Variants in ART1 observed in about 807,000 individuals in gnomAD.
ART1 encodes the protein ADP-ribosyltransferase 1.
ART1 carries 29 observed loss-of-function variants against 27.0 expected under a neutral mutation model. That is an observed-to-expected ratio of 1.08 (90% CI 0.80 to 1.47). The LOEUF is 1.47. ART1 is among the 40% of genes most tolerant of loss of function. The pLI is 0.00. For synonymous variants in ART1, 201 were observed against 172.2 expected (o/e 1.17, Z -1.31); for missense variants, 480 against 423.0 (o/e 1.13, Z -1.18).
chr11:3,649,685 C>G (rs11028764), intron 1 of ART1, among the ~76,000 whole-genome samples: 1 of 144,640 alleles, frequency 6.9e-6, no homozygotes, highest in Non-Finnish European at 1.5e-5. Flanking sequence ...TCTGGTTTAC[C>G]ATTTCATTTC....
chr11:3,659,023 C>T (rs375843985), intron 1 of ART1, 139 bp from the exon 2 acceptor site: 8 of 596,334 alleles, frequency 1.3e-5, no homozygotes, highest in African/African-American at 7.4e-5. Flanking sequence ...ACTCATGTTC[C>T]TTTCAGCAAG....
chr11:3,662,460 C>T (rs1342507039), intron 4 of ART1, among the ~76,000 whole-genome samples: 1 of 152,208 alleles, frequency 6.6e-6, no homozygotes, highest in African/African-American at 2.4e-5. Context: ...TCCTCTGATC[C>T]ACTCCAGGCA....
chr11:3,660,771 A>G (rs2077614264), intron 3 of ART1, among the ~76,000 whole-genome samples: 1 of 152,202 alleles, frequency 6.6e-6, no homozygotes, highest in Non-Finnish European at 1.5e-5. Flanking sequence ...GTTTCTGAGA[A>G]CAGTGCATTT....
At chr11:3,648,975 C>T (rs982108365) in intron 1 of ART1, among the ~76,000 whole-genome samples, 19 of 102,946 alleles carry the variant, frequency 1.8e-4, no homozygotes, top group African/African-American at 6.8e-4. Context: ...CCCTTATTTC[C>T]ACGCCCCGAC....
rs1316695936 is a variant in ART1, at chr11:3,664,291, G to T, written c.*102G>T. 4 of 1,154,264 alleles carry T rather than the reference G, an allele frequency of 3.5e-6. No homozygotes were observed. The highest frequency in any genetic ancestry group is 5.0e-6 in the Non-Finnish European group (4 of 792,604). The allele number at this position is 1,154,264 out of a possible 1,614,324, so 71.5% of individuals were successfully genotyped here. ...ACCAAGATTCCTGTCAATCCCATCT[G>T]CAGGGAACTCTGGGACCTTCTCTGG... On this transcript the variant is annotated 3_prime_UTR_variant, in exon 5 of 5. Coordinates refer to ENST00000250693, the MANE Select transcript of ART1 (RefSeq NM_004314.3).
chr11:3,653,523 T>C (rs1364923074), intron 1 of ART1, among the ~76,000 whole-genome samples: 1 of 151,816 alleles, frequency 6.6e-6, no homozygotes, highest in Non-Finnish European at 1.5e-5. Flanking sequence ...GACCCACCCT[T>C]ATCTCCCTTC....
At chr11:3,663,588 T>C (rs755479908) in intron 4 of ART1, among the ~76,000 whole-genome samples, 22 of 152,140 alleles carry the variant, frequency 1.4e-4, no homozygotes, top group Admixed American at 6.5e-4. Context: ...CTAAATTCTT[T>C]ATTAAAAAAA....
At chr11:3,648,663 T>G (rs1003264297) in intron 1 of ART1, among the ~76,000 whole-genome samples, 1 of 152,216 alleles carries the variant, frequency 6.6e-6, no homozygotes, top group Non-Finnish European at 1.5e-5. Flanking sequence ...CTTCCCTTGG[T>G]GTTTAATCAT....
chr11:3,655,602 T>A (rs2077567879), intron 1 of ART1: 1 of 152,194 alleles, frequency 6.6e-6, no homozygotes, highest in South Asian at 2.1e-4. Context: ...TGTACCTGCA[T>A]GTGGACTCGA....
chr11:3,662,301 A>C (rs917641786), intron 4 of ART1, among the ~76,000 whole-genome samples: 3 of 152,242 alleles, frequency 2.0e-5, no homozygotes, highest in Admixed American at 2.0e-4. Context: ...CTTCCCTCGG[A>C]CACTTGGTGT....
intron 1 of ART1, among the ~76,000 whole-genome samples, chr11:3,653,249 C>A (rs1288955542): frequency 6.7e-6 from 1 of 148,662 alleles, no homozygotes; most frequent in Non-Finnish European, 1.5e-5. Context: ...TGAGCCGAAG[C>A]TAAGCCATCA....
intron 1 of ART1, among the ~76,000 whole-genome samples, chr11:3,654,945 C>A (rs28519597): frequency 6.6e-6 from 1 of 150,504 alleles, no homozygotes; most frequent in Non-Finnish European, 1.5e-5. Flanking sequence ...TGTGGAGACA[C>A]AATGAGAGAT....
intron 1 of ART1, among the ~76,000 whole-genome samples, chr11:3,656,857 A>C (rs2077580168): frequency 1.3e-5 from 2 of 152,182 alleles, no homozygotes; most frequent in African/African-American, 4.8e-5. Flanking sequence ...AACAAAAAAA[A>C]TTGTTGAATA....
chr11:3,664,233 C>T lies in ART1; in HGVS notation c.*44C>T, dbSNP rs373087910. ...GCCTCGCCTGCTGCCTCTGCCCATC[C>T]TGAGGATGTTGGCCATGTGTGCTTT... is the stretch of plus-strand genomic sequence containing the variant. On this transcript the variant is annotated 3_prime_UTR_variant, in exon 5 of 5. Transcript: ENST00000250693. The T allele has an allele frequency of 2.5e-6, 4 of 1,583,150 alleles. No homozygotes were observed. Among genetic ancestry groups the T allele is most frequent in the Non-Finnish European group, 2.6e-6 (3 of 1,155,298 alleles).
intron 1 of ART1, among the ~76,000 whole-genome samples, chr11:3,654,896 T>A (rs901582853): frequency 2.0e-5 from 3 of 152,086 alleles, no homozygotes; most frequent in African/African-American, 7.2e-5. Flanking sequence ...CTCTGATGTA[T>A]CTTGTTTATT....
At position 3,659,669 on chromosome 11, in the gene ART1, C is replaced by A. The variant is rs767742248; in HGVS notation, c.150C>A (p.Tyr50Ter). 2 of 1,613,824 alleles carry A rather than the reference C, an allele frequency of 1.2e-6. No individual in the cohort carries two copies. The highest frequency in any genetic ancestry group is 1.7e-6 in the Non-Finnish European group (2 of 1,180,036). ...DMALASFDDQYAGCAAAMTAA... is the reference protein window; with the variant it reads ...DMALASFDDQ ...CCCTGGCCTCCTTTGATGACCAGTA[C>A]GCTGGCTGTGCTGCTGCCATGACAG... The change falls in exon 3 of 5, where the codon TAC (tyrosine) becomes TAA (stop). Residue 50 changes from tyrosine to a stop codon, truncating the protein, a stop_gained. Transcript: ENST00000250693. LOFTEE classifies it high-confidence loss of function.
At chr11:3,651,538 A>T (rs2077521698) in intron 1 of ART1, among the ~76,000 whole-genome samples, 2 of 147,210 alleles carry the variant, frequency 1.4e-5, no homozygotes, top group Admixed American at 1.3e-4. Context: ...TTCTGTCCAA[A>T]CAACTTGCCC....
At chr11:3,652,780 G>A (rs2077535337) in intron 1 of ART1, among the ~76,000 whole-genome samples, 1 of 151,114 alleles carries the variant, frequency 6.6e-6, no homozygotes, top group Non-Finnish European at 1.5e-5. Context: ...AGCCATCACA[G>A]CTGATATCTC....
chr11:3,652,330 G>C (rs902157593), intron 1 of ART1, among the ~76,000 whole-genome samples: 2 of 150,082 alleles, frequency 1.3e-5, no homozygotes, highest in Non-Finnish European at 2.9e-5. Flanking sequence ...CCTCTATACA[G>C]TCTGAAAACA....
Sources: gnomAD v4.1 joint callset for allele counts (sites outside exome capture counted in the v4.1 genomes callset) on GRCh38, gnomAD v4.1.1 for gene constraint, MANE v1.5 for transcripts, NCBI Gene and HGNC (gene_info 2026-07-23, HGNC 2026-07-21) for gene names.